Variants in TP63 observed in about 807,000 individuals in gnomAD.
TP63 encodes the protein tumor protein 63.
In TP63, 17 loss-of-function variants were observed where a neutral mutation model predicts 82.8. That is an observed-to-expected ratio of 0.21 (90% CI 0.14 to 0.31). The LOEUF is 0.31. Ranked by LOEUF, TP63 falls within the 10% of genes least tolerant of loss-of-function variation. TP63 has a pLI of 1.00. For synonymous variants in TP63, 330 were observed against 321.7 expected, an observed-to-expected ratio of 1.03 and a Z score of -0.28; for missense variants, 648 against 895.3, an observed-to-expected ratio of 0.72 and a Z score of 3.52.
chr3:189,865,040 G>C (rs1717536807), intron 5 of TP63, among the ~76,000 whole-genome samples: 1 of 151,842 alleles, frequency 6.6e-6, no homozygotes, highest in Non-Finnish European at 1.5e-5. Context: ...AAAATAAGAG[G>C]GTGCCAGGAG....
intron 10 of TP63, chr3:189,880,289 A>C (rs1719770833): frequency 2.2e-6 from 3 of 1,371,812 alleles, no homozygotes; most frequent in Non-Finnish European, 2.8e-6. Context: ...CAGGACTTGA[A>C]GACACTTTGG....
chr3:189,659,094 T>C (rs1713648295), intron 1 of TP63, among the ~76,000 whole-genome samples: 1 of 152,084 alleles, frequency 6.6e-6, no homozygotes, highest in Non-Finnish European at 1.5e-5. Context: ...TTTAGATTCA[T>C]GGGGTACATG....
At chr3:189,774,183 A>C (rs1211999653) in intron 3 of TP63, among the ~76,000 whole-genome samples, 1 of 151,994 alleles carries the variant, frequency 6.6e-6, no homozygotes, top group African/African-American at 2.4e-5. Flanking sequence ...CGGCCTCCCA[A>C]AGTGCTGGGA....
At chr3:189,678,430 A>G (rs1577224976) in intron 1 of TP63, among the ~76,000 whole-genome samples, 1 of 151,962 alleles carries the variant, frequency 6.6e-6, no homozygotes, top group South Asian at 2.1e-4. Context: ...CTATTCTGTT[A>G]CATTGATCTA....
intron 1 of TP63, among the ~76,000 whole-genome samples, chr3:189,685,145 C>T (rs2103354): frequency 0.96 from 146,460 of 152,244 alleles, 70,516 homozygotes; most frequent in East Asian, 0.99. Context: ...TAACCAAAGA[C>T]AGAAATCAGT....
intron 3 of TP63, among the ~76,000 whole-genome samples, chr3:189,764,596 A>G (rs1001286259): frequency 7.2e-5 from 11 of 152,120 alleles, no homozygotes; most frequent in African/African-American, 2.7e-4. Context: ...GCAGTGATGT[A>G]AGCTTAATTC....
intron 4 of TP63, among the ~76,000 whole-genome samples, chr3:189,857,449 A>G (rs1160328783): frequency 6.6e-6 from 1 of 152,166 alleles, no homozygotes; most frequent in Non-Finnish European, 1.5e-5. Flanking sequence ...AAATCCTCCT[A>G]ATGTCAGGCC....
intron 1 of TP63, among the ~76,000 whole-genome samples, chr3:189,681,984 G>A (rs963017333): frequency 1.3e-5 from 2 of 152,110 alleles, no homozygotes; most frequent in African/African-American, 4.8e-5. Context: ...TGTAATCTTA[G>A]CACTTTGGGA....
At chr3:189,821,804 A>G (rs1271155409) in intron 4 of TP63, among the ~76,000 whole-genome samples, 1 of 152,228 alleles carries the variant, frequency 6.6e-6, no homozygotes, top group Non-Finnish European at 1.5e-5. Context: ...TAAAATGAAA[A>G]TGTCCCCTTA....
At chr3:189,752,185 T>C (rs1418768930) in intron 3 of TP63, among the ~76,000 whole-genome samples, 1 of 152,190 alleles carries the variant, frequency 6.6e-6, no homozygotes, top group Non-Finnish European at 1.5e-5. Flanking sequence ...TTTATCTATT[T>C]ATTTTTTGAG....
intron 1 of TP63, among the ~76,000 whole-genome samples, chr3:189,716,282 C>T (rs946372952): frequency 1.3e-5 from 2 of 152,240 alleles, no homozygotes; most frequent in Admixed American, 6.5e-5. Flanking sequence ...TTTTTATTTA[C>T]TCTTGAGTGA....
the TP63 span, among the ~76,000 whole-genome samples, chr3:189,612,194 G>A: frequency 1.3e-5 from 2 of 152,070 alleles, no homozygotes; most frequent in Non-Finnish European, 2.9e-5. Flanking sequence ...GGGAAGTGCT[G>A]CTGATATAGT....
At chr3:189,645,631 T>TATAGGAAATAAATGGAGA (rs1469371639) in intron 1 of TP63, among the ~76,000 whole-genome samples, 1 of 148,284 alleles carries the variant, frequency 6.7e-6, no homozygotes, top group African/African-American at 2.5e-5. Flanking sequence ...GCGTTAGGTA[T>TATAGGAAATAAATGGAGA]ATCTCCTAAT....
chr3:189,627,664 A>G (rs1444608848), upstream of TP63, among the ~76,000 whole-genome samples: 1 of 152,212 alleles, frequency 6.6e-6, no homozygotes, highest in African/African-American at 2.4e-5. Flanking sequence ...TTGGAAAACA[A>G]TGTTCTAGAA....
intron 1 of TP63, among the ~76,000 whole-genome samples, chr3:189,735,234 T>C (rs1017230325): frequency 6.6e-6 from 1 of 152,238 alleles, no homozygotes; most frequent in Non-Finnish European, 1.5e-5. Context: ...CCCACGTGCC[T>C]TTTCTCATTG....
chr3:189,735,779 A>G (rs1720544469), intron 1 of TP63, among the ~76,000 whole-genome samples: 1 of 152,208 alleles, frequency 6.6e-6, no homozygotes, highest in African/African-American at 2.4e-5. Flanking sequence ...TCTCATGAAT[A>G]CTGACTGTGG....
intron 10 of TP63, among the ~76,000 whole-genome samples, chr3:189,882,942 G>T (rs957315804): frequency 6.6e-6 from 1 of 152,146 alleles, no homozygotes; most frequent in African/African-American, 2.4e-5. Context: ...CTGTTACACT[G>T]AATTCTTAGA....
Position 189,858,667 on chromosome 3 carries a change from T to C in TP63, c.580-5565T>C, listed in dbSNP as rs569901749. Among the ~76,000 whole-genome samples, 214 of 152,214 alleles carry C rather than the reference T, an allele frequency of 1.4e-3. 1 individual carries two copies. Among genetic ancestry groups the C allele is most frequent in the South Asian group, 0.012 (59 of 4,828 alleles). On this transcript the variant is annotated intron_variant, in intron 4 of 13. Coordinates refer to ENST00000264731, the MANE Select transcript of TP63 (RefSeq NM_003722.5). ...AGTAGTGCGCACCTGTAGCCCTAGC[T>C]ACTCAGGAGGCTGAAATGGGAGAAT...
intron 1 of TP63, among the ~76,000 whole-genome samples, chr3:189,716,972 A>G (rs562950112): frequency 6.6e-6 from 1 of 151,940 alleles, no homozygotes; most frequent in South Asian, 2.1e-4. Flanking sequence ...CTAATTTTGT[A>G]TTTTCAGTAG....
Sources: gnomAD v4.1 joint callset for allele counts (sites outside exome capture counted in the v4.1 genomes callset) on GRCh38, gnomAD v4.1.1 for gene constraint, MANE v1.5 for transcripts, NCBI Gene and HGNC (gene_info 2026-07-23, HGNC 2026-07-21) for gene names.